DGKB: variants seen among roughly 807,000 people sequenced by gnomAD.
DGKB encodes the protein 90 kDa diacylglycerol kinase.
DGKB carries 67 observed loss-of-function variants against 114.3 expected under a neutral mutation model. The observed-to-expected ratio is 0.59, with a 90% CI of 0.48 to 0.72. The LOEUF is 0.72. Ranked by LOEUF, DGKB falls within the 30% of genes least tolerant of loss-of-function variation. The pLI is 0.00. For synonymous variants in DGKB, 398 were observed against 323.1 expected (o/e 1.23, Z -2.49); for missense variants, 907 against 975.2 (o/e 0.93, Z 0.93).
intron 23 of DGKB, among the ~76,000 whole-genome samples, chr7:14,321,592 C>T (rs1441320478): frequency 1.2e-5 from 1 of 81,962 alleles, no homozygotes; most frequent in Admixed American, 1.3e-4. Flanking sequence ...AGACTTTAAA[C>T]AGAGAAATAA....
chr7:14,626,685 T>C (rs1808652946), intron 14 of DGKB, among the ~76,000 whole-genome samples: 1 of 152,186 alleles, frequency 6.6e-6, no homozygotes, highest in Non-Finnish European at 1.5e-5. Context: ...ATTTCAAAAA[T>C]GATGAAGGCT....
At chr7:14,953,828 T>C (rs1403257531) in intron 1 of DGKB, among the ~76,000 whole-genome samples, 1 of 152,110 alleles carries the variant, frequency 6.6e-6, no homozygotes, top group African/African-American at 2.4e-5. Flanking sequence ...CCTCCCCCAG[T>C]TGACTCTACT....
chr7:14,214,428 G>A (rs944588667), intron 23 of DGKB, among the ~76,000 whole-genome samples: 5 of 151,930 alleles, frequency 3.3e-5, no homozygotes, highest in African/African-American at 1.2e-4. Context: ...AGGAAATAAG[G>A]AGAAAAAATC....
chr7:14,827,039 T>C (rs1386401179), intron 2 of DGKB, among the ~76,000 whole-genome samples: 5 of 152,090 alleles, frequency 3.3e-5, no homozygotes, highest in East Asian at 1.9e-4. Context: ...AGTTTTAACA[T>C]TGTGGGACTC....
chr7:14,651,277 G>A (rs1348099859), intron 13 of DGKB, among the ~76,000 whole-genome samples: 1 of 152,094 alleles, frequency 6.6e-6, no homozygotes, highest in Non-Finnish European at 1.5e-5. Context: ...GAATCCAGCA[G>A]CACATCAAAA....
At chr7:14,472,134 T>C (rs112167916) in intron 21 of DGKB, among the ~76,000 whole-genome samples, 25 of 152,208 alleles carry the variant, frequency 1.6e-4, no homozygotes, top group Non-Finnish European at 2.8e-4. Context: ...ACTGAAATCA[T>C]GCTATGACTA....
chr7:14,887,941 A>C (rs1225898570), intron 1 of DGKB, among the ~76,000 whole-genome samples: 1 of 151,732 alleles, frequency 6.6e-6, no homozygotes, highest in Non-Finnish European at 1.5e-5. Context: ...CTCAATGGAG[A>C]CATAAACTTC....
intron 14 of DGKB, among the ~76,000 whole-genome samples, chr7:14,625,382 G>T (rs544629663): frequency 1.3e-5 from 2 of 152,232 alleles, no homozygotes; most frequent in Non-Finnish European, 1.5e-5. Context: ...GGACAGGAAG[G>T]GGGAGGCAAC....
In DGKB at chr7:14,830,311, C is replaced by A. The variant is rs573430300; in HGVS notation, c.70+10883G>T. ...GTGGGAGTTTGTTCATTACAGACTT[C>A]CTCTTTGAATTCCTTCTAACCAAGG... On this transcript the variant is annotated intron_variant, in intron 2 of 25. Coordinates refer to ENST00000402815, the MANE Select transcript of DGKB (RefSeq NM_001350709.2). 2.6e-3 allele frequency among the ~76,000 whole-genome samples: 400 copies of A among 152,094 alleles called. 3 individuals carry two copies. Among genetic ancestry groups the A allele is most frequent in the Non-Finnish European group, 4.0e-3 (269 of 67,978 alleles).
At chr7:14,464,003 T>G (rs534351571) in intron 21 of DGKB, among the ~76,000 whole-genome samples, 78 of 151,950 alleles carry the variant, frequency 5.1e-4, no homozygotes, top group Non-Finnish European at 1.3e-4. Context: ...TTAGTGATAT[T>G]AGCTTAAGTT....
At position 14,900,118 on chromosome 7, in the gene DGKB, G is replaced by A. The variant is rs140864635; in HGVS notation, c.-188+2474C>T. 6.5e-3 allele frequency among the ~76,000 whole-genome samples: 996 copies of A among 152,266 alleles called. 1 individual carries two copies. The highest frequency in any genetic ancestry group is 0.01 in the Non-Finnish European group (693 of 68,012). On this transcript the variant is annotated intron_variant, in intron 1 of 25. Coordinates refer to ENST00000402815, the MANE Select transcript of DGKB (RefSeq NM_001350709.2). ...AACTGCCCACTACTACTCATTCGTTGTGTGACGAACAAAGCACATGAGAAA... is the reference window on the plus strand; with the variant it reads ...AACTGCCCACTACTACTCATTCGTTATGTGACGAACAAAGCACATGAGAAA...
intron 8 of DGKB, 26 bp downstream of exon 8, chr7:14,698,069 A>G (rs1824394631): frequency 7.5e-7 from 1 of 1,338,226 alleles, no homozygotes; most frequent in Non-Finnish European, 1.0e-6. Flanking sequence ...GAATTTAGCC[A>G]ATAGTGAAAT....
intron 1 of DGKB, among the ~76,000 whole-genome samples, chr7:14,951,043 A>G (rs1025481161): frequency 6.6e-6 from 1 of 152,026 alleles, no homozygotes; most frequent in African/African-American, 2.4e-5. Context: ...AATTCTACTA[A>G]TCATGCTTTC....
chr7:14,523,492 G>C (rs1034913800), intron 20 of DGKB, among the ~76,000 whole-genome samples: 1 of 152,128 alleles, frequency 6.6e-6, no homozygotes, highest in Admixed American at 6.5e-5. Context: ...ACAGCCTACA[G>C]TATAGTCTTC....
At chr7:14,546,234 T>C (rs1794263189) in intron 20 of DGKB, among the ~76,000 whole-genome samples, 1 of 152,208 alleles carries the variant, frequency 6.6e-6, no homozygotes, top group East Asian at 1.9e-4. Context: ...AATTTCTTTT[T>C]TAATTTTTTT....
At chr7:14,635,538 G>C (rs1810579833) in intron 13 of DGKB, among the ~76,000 whole-genome samples, 1 of 151,432 alleles carries the variant, frequency 6.6e-6, no homozygotes. Flanking sequence ...TCGAGGAGGA[G>C]AAAGAGGGGA....
intron 23 of DGKB, among the ~76,000 whole-genome samples, chr7:14,179,429 A>G (rs1297718943): frequency 1.3e-5 from 2 of 152,182 alleles, no homozygotes; most frequent in Non-Finnish European, 2.9e-5. Context: ...AAACTAGAGG[A>G]GTGGAATACG....
At chr7:14,525,103 T>G (rs1306527209) in intron 20 of DGKB, among the ~76,000 whole-genome samples, 2 of 152,302 alleles carry the variant, frequency 1.3e-5, no homozygotes, top group Non-Finnish European at 2.9e-5. Flanking sequence ...TTTGGGATTT[T>G]TTTTTGAACT....
chr7:14,379,741 G>A (rs1040376466), intron 21 of DGKB, among the ~76,000 whole-genome samples: 1 of 152,174 alleles, frequency 6.6e-6, no homozygotes, highest in East Asian at 1.9e-4. Flanking sequence ...TGTATTTTTA[G>A]TAGTGACGGG....
Sources: gnomAD v4.1 joint callset for allele counts (sites outside exome capture counted in the v4.1 genomes callset) on GRCh38, gnomAD v4.1.1 for gene constraint, MANE v1.5 for transcripts, NCBI Gene and HGNC (gene_info 2026-07-23, HGNC 2026-07-21) for gene names.